FRK: variants seen among roughly 807,000 people sequenced by gnomAD.
The protein encoded by FRK is fyn related Src family tyrosine kinase.
A neutral mutation model predicts 56.4 loss-of-function variants in FRK; 51 were observed. That is an observed-to-expected ratio of 0.90 (90% CI 0.72 to 1.14). The LOEUF is 1.14. Among genes scored for constraint, FRK ranks in the 50% most tolerant of loss-of-function variants. The pLI, the probability that FRK is intolerant of heterozygous loss-of-function variation, is 0.00. For synonymous variants in FRK, 245 were observed against 217.9 expected (o/e 1.12, Z -1.10); for missense variants, 570 against 601.4 (o/e 0.95, Z 0.55).
chr6:115,980,826 A>C (rs1431204846), intron 2 of FRK, among the ~76,000 whole-genome samples: 1 of 152,132 alleles, frequency 6.6e-6, no homozygotes, highest in Admixed American at 6.6e-5. Flanking sequence ...GCCAGTGAGA[A>C]GCACAATGTG....
the FRK span, among the ~76,000 whole-genome samples, chr6:116,078,208 TC>T: frequency 1.3e-5 from 2 of 152,312 alleles, no homozygotes; most frequent in South Asian, 4.2e-4. Flanking sequence ...CAAAATGACT[TC>T]TTTACTCAGG....
At chr6:116,039,211 G>C (rs188836073) in intron 1 of FRK, 1 of 1,452,350 alleles carries the variant, frequency 6.9e-7, no homozygotes, top group Non-Finnish European at 9.7e-7. Flanking sequence ...CGCAGATAAC[G>C]TGAAGGACTG....
intron 5 of FRK, among the ~76,000 whole-genome samples, chr6:115,950,978 A>G (rs1166895792): frequency 6.6e-6 from 1 of 152,150 alleles, no homozygotes; most frequent in Admixed American, 6.5e-5. Flanking sequence ...GTAAGAACAC[A>G]TGGGCACAGG....
At chr6:116,011,894 C>A (rs1280675901) in intron 1 of FRK, among the ~76,000 whole-genome samples, 1 of 152,132 alleles carries the variant, frequency 6.6e-6, no homozygotes, top group Non-Finnish European at 1.5e-5. Flanking sequence ...TCCCTTTCCA[C>A]AAAACCTTCT....
At chr6:116,095,812 C>T in the FRK span, among the ~76,000 whole-genome samples, 9 of 152,356 alleles carry the variant, frequency 5.9e-5, no homozygotes, top group East Asian at 1.2e-3. Flanking sequence ...GACCTCTTCA[C>T]TGCTGAGAAA....
intron 1 of FRK, among the ~76,000 whole-genome samples, chr6:116,034,427 G>A (rs1776397361): frequency 6.6e-6 from 1 of 152,100 alleles, no homozygotes; most frequent in East Asian, 1.9e-4. Flanking sequence ...ACTAAGAGCT[G>A]ACCAACAAGT....
At chr6:116,089,024 A>T in the FRK span, among the ~76,000 whole-genome samples, 1 of 152,222 alleles carries the variant, frequency 6.6e-6, no homozygotes, top group Non-Finnish European at 1.5e-5. Context: ...AATTGGAATC[A>T]ATACATGAGG....
chr6:116,072,459 T>G, the FRK span, among the ~76,000 whole-genome samples: 36 of 152,074 alleles, frequency 2.4e-4, no homozygotes, highest in Middle Eastern at 3.4e-3. Context: ...CCTTTGAAGA[T>G]AAGCAAAGAC....
chr6:115,956,362 T>C, intron 5 of FRK, 90 bp downstream of exon 5: 1 of 904,104 alleles, frequency 1.1e-6, no homozygotes, highest in Non-Finnish European at 1.6e-6. Context: ...TAAATATCCT[T>C]TCGGTTACAG....
chr6:115,967,516 C>T, intron 4 of FRK, 35 bp downstream of exon 4: 1 of 1,595,940 alleles, frequency 6.3e-7, no homozygotes. Flanking sequence ...TCATAAAAAT[C>T]AACATATGCC....
rs1032472015 is a variant in FRK at position 115,933,741 on chromosome 6, A to G, written c.*8673T>C. 3 of 152,208 alleles carry G rather than the reference A, an allele frequency of 2.0e-5. No individual in the cohort carries two copies. Among genetic ancestry groups the G allele is most frequent in the Non-Finnish European group, 4.4e-5 (3 of 68,036 alleles). The allele number at this position is 152,208 out of a possible 1,614,324, so 9.4% of individuals were successfully genotyped here. A position where few individuals can be genotyped will look rare whatever the true frequency, so the allele number is the denominator to read the frequency against. ...AAAATTAAACATGAAATGAATTCAA[A>G]GAAAAGGAACTATTTTCTTTCCATT... On this transcript the variant is annotated 3_prime_UTR_variant, in exon 8 of 8. Coordinates refer to ENST00000606080, the MANE Select transcript of FRK (RefSeq NM_002031.3).
chr6:115,967,130 TG>T (rs1281038604), intron 4 of FRK, among the ~76,000 whole-genome samples: 1 of 152,222 alleles, frequency 6.6e-6, no homozygotes, highest in Non-Finnish European at 1.5e-5. Context: ...TTTCTTTAGA[TG>T]GACCATTTTG....
At chr6:116,022,350 A>G (rs1775903754) in intron 1 of FRK, among the ~76,000 whole-genome samples, 1 of 152,112 alleles carries the variant, frequency 6.6e-6, no homozygotes, top group South Asian at 2.1e-4. Flanking sequence ...TACCAAAATC[A>G]TAGAGAATCA....
At chr6:115,990,528 G>A (rs1315822106) in intron 2 of FRK, among the ~76,000 whole-genome samples, 2 of 151,742 alleles carry the variant, frequency 1.3e-5, no homozygotes, top group Non-Finnish European at 3.0e-5. Flanking sequence ...ATTGCATAGG[G>A]TGTCCTTTCG....
chr6:116,036,378 TAC>T (rs1776480308), intron 1 of FRK, among the ~76,000 whole-genome samples: 1 of 152,166 alleles, frequency 6.6e-6, no homozygotes, highest in African/African-American at 2.4e-5. Context: ...AAACATTCAT[TAC>T]TTATACCCCT....
chr6:115,956,535 AG>A lies in FRK; in HGVS notation c.874del (p.Leu292PhefsTer7), dbSNP rs1433790335. On this transcript the variant is annotated frameshift_variant, in exon 5 of 8. Coordinates refer to ENST00000606080, the MANE Select transcript of FRK (RefSeq NM_002031.3). LOFTEE classifies it high-confidence loss of function. ...ATCTTCTAAAGTGCAAACAGCATAA[AG>A]CTGGATAAGCTTTGGATGTCTTAGG... ...KNLRHPKLIQLYAVCTLEDPI... is the reference protein window; with the variant it reads ...KNLRHPKLIQXYAVCTLEDPI... 3 of 1,596,264 alleles carry A rather than the reference AG, an allele frequency of 1.9e-6. No homozygotes were observed. In the African/African-American group the frequency reaches 4.0e-5, roughly 21 times the overall value.
intron 2 of FRK, among the ~76,000 whole-genome samples, chr6:116,000,603 A>C (rs963830496): frequency 6.6e-6 from 1 of 152,028 alleles, no homozygotes; most frequent in African/African-American, 2.4e-5. Context: ...CTTTTGACTA[A>C]ATAGCTGCCA....
intron 1 of FRK, among the ~76,000 whole-genome samples, chr6:116,013,262 A>T (rs973694205): frequency 6.6e-6 from 1 of 152,182 alleles, no homozygotes; most frequent in Non-Finnish European, 1.5e-5. Context: ...CCTCACAAGA[A>T]GTTTACAAAG....
intron 1 of FRK, among the ~76,000 whole-genome samples, chr6:116,019,800 T>C (rs948895686): frequency 1.3e-5 from 2 of 152,170 alleles, no homozygotes; most frequent in Non-Finnish European, 2.9e-5. Context: ...AATACCACTC[T>C]ACAGAGTGGG....
Sources: allele counts gnomAD v4.1 joint callset (sites outside exome capture counted in the v4.1 genomes callset), GRCh38; gene constraint gnomAD v4.1.1; transcripts MANE v1.5; gene names NCBI Gene and HGNC (gene_info 2026-07-23, HGNC 2026-07-21).